The following IREB2 variants were observed in gnomAD, a reference collection of about 807,000 sequenced individuals.
IREB2 encodes the protein iron responsive element binding protein 2.
Under a neutral mutation model 118.8 loss-of-function variants are expected in IREB2, and 39 were observed. The ratio of observed to expected loss-of-function variants is 0.33; its 90% CI spans 0.25 to 0.43. The LOEUF (loss-of-function observed/expected upper bound fraction) is 0.43, where lower values mean the gene tolerates loss of function less well. Among genes scored for constraint, IREB2 ranks in the 20% least tolerant of loss-of-function variants. The pLI is 1.00. For synonymous variants in IREB2, 372 were observed against 392.2 expected, an observed-to-expected ratio of 0.95 and a Z score of 0.61; for missense variants, 900 against 1,147.3, an observed-to-expected ratio of 0.78 and a Z score of 3.11.
rs138831201 is a variant in IREB2, at chr15:78,483,810, G to A, written c.1413+376G>A. Among the ~76,000 whole-genome samples, 526 of 148,258 alleles carry A rather than the reference G, an allele frequency of 3.5e-3. 22 individuals are homozygous for A. The East Asian group carries it at 0.088, about 25-fold the overall frequency. ...CTTTTTTTTTTTTTTTTGAGACAGA[G>A]TCTCACTTTGTTGCCCAAGCTGGAG... On this transcript the variant is annotated intron_variant, in intron 11 of 21. Coordinates refer to ENST00000258886, the MANE Select transcript of IREB2 (RefSeq NM_004136.4).
intron 2 of IREB2, among the ~76,000 whole-genome samples, chr15:78,462,242 A>C (rs980741913): frequency 6.6e-6 from 1 of 152,192 alleles, no homozygotes; most frequent in Non-Finnish European, 1.5e-5. Context: ...ATGGTAATCC[A>C]TTGTGTGGAT....
intron 2 of IREB2, among the ~76,000 whole-genome samples, chr15:78,461,526 T>G (rs1189294072): frequency 6.6e-6 from 1 of 152,210 alleles, no homozygotes; most frequent in Non-Finnish European, 1.5e-5. Flanking sequence ...GCCTCTACTT[T>G]TAACATACTT....
chr15:78,461,215 A>G (rs559693021), intron 2 of IREB2, among the ~76,000 whole-genome samples: 3 of 152,176 alleles, frequency 2.0e-5, no homozygotes, highest in Non-Finnish European at 2.9e-5. Flanking sequence ...TTTATCATAC[A>G]TTGTCACCTC....
At chr15:78,443,406 T>C (rs1248061145) in intron 2 of IREB2, among the ~76,000 whole-genome samples, 1 of 152,216 alleles carries the variant, frequency 6.6e-6, no homozygotes, top group African/African-American at 2.4e-5. Flanking sequence ...CTAATCTATC[T>C]GCGTTACCAA....
intron 11 of IREB2, 42 bp downstream of exon 11, chr15:78,483,476 G>A (rs1269233546): frequency 9.6e-7 from 1 of 1,046,690 alleles, no homozygotes; most frequent in African/African-American, 1.6e-5. Context: ...AACCCGCTTT[G>A]TGCTAAGTAG....
At position 78,500,591 on chromosome 15, in the gene IREB2, A is replaced by G. The variant is rs996802329; in HGVS notation, c.*2448A>G. 3 of 151,948 alleles carry G rather than the reference A, an allele frequency of 2.0e-5. No homozygotes were observed. Among genetic ancestry groups the G allele is most frequent in the African/African-American group, 7.3e-5 (3 of 41,358 alleles). The allele number at this position is 151,948 out of a possible 1,614,324, so 9.4% of individuals were successfully genotyped here. A position where few individuals can be genotyped will look rare whatever the true frequency, so the allele number is the denominator to read the frequency against. ...AATGTCAGACACACAAGAAAAGCAA[A>G]TCAGTGTTGTAAGCTTAAAGTACAA... On this transcript the variant is annotated 3_prime_UTR_variant, in exon 22 of 22. Transcript: ENST00000258886.
At chr15:78,448,078 A>G (rs2050960934) in intron 2 of IREB2, among the ~76,000 whole-genome samples, 2 of 152,242 alleles carry the variant, frequency 1.3e-5, no homozygotes, top group Admixed American at 6.5e-5. Context: ...ACAAAATCTT[A>G]TGCAGGAATC....
intron 7 of IREB2, among the ~76,000 whole-genome samples, chr15:78,472,849 CT>C (rs1475851678): frequency 6.6e-6 from 1 of 152,262 alleles, no homozygotes; most frequent in Non-Finnish European, 1.5e-5. Flanking sequence ...TAAGCTTACT[CT>C]TTCACAGGGT....
At chr15:78,465,582 G>C (rs2051269228) in intron 4 of IREB2, among the ~76,000 whole-genome samples, 194 bp downstream of exon 4, 1 of 152,076 alleles carries the variant, frequency 6.6e-6, no homozygotes, top group Non-Finnish European at 1.5e-5. Context: ...TTGTATTTCT[G>C]CTGCCGTTTT....
chr15:78,438,782 A>C, intron 1 of IREB2: 1 of 244,506 alleles, frequency 4.1e-6, no homozygotes, highest in Non-Finnish European at 8.2e-6. Context: ...TGTTGATTCC[A>C]CGGTCCAGCC....
intron 2 of IREB2, among the ~76,000 whole-genome samples, chr15:78,452,443 A>G (rs1011580570): frequency 2.0e-5 from 3 of 152,326 alleles, no homozygotes; most frequent in Admixed American, 6.5e-5. Context: ...TTATTAGTGT[A>G]GATGTAGTGA....
At chr15:78,451,588 G>A (rs76030574) in intron 2 of IREB2, among the ~76,000 whole-genome samples, 2,713 of 152,268 alleles carry the variant, frequency 0.018, 105 homozygotes, top group African/African-American at 0.062. Flanking sequence ...TAAACAATAC[G>A]AGTACTACAG....
At position 78,483,384 on chromosome 15, in the gene IREB2, G is replaced by C; in HGVS notation, c.1363G>C (p.Val455Leu). 1 of 1,609,552 alleles carries C rather than the reference G, an allele frequency of 6.2e-7. No homozygotes were observed. Among genetic ancestry groups the C allele is most frequent in the Non-Finnish European group, 8.5e-7 (1 of 1,175,938 alleles). ...VSGPKRPQDR[V>L]AVTDMKSDFQ... ...TGGTCCAAAAAGACCTCAGGATAGA[G>C]TTGCTGTGACAGATATGAAAAGCGA... The change falls in exon 11 of 22, where the codon GTT becomes CTT. Residue 455 changes from valine to leucine, a missense_variant. By Grantham distance (32) the Val-to-Leu change is conservative (BLOSUM62 1). Transcript: ENST00000258886.
chr15:78,465,515 A>G lies in IREB2; in HGVS notation c.410+127A>G, dbSNP rs566393802. 23 of 842,530 alleles carry G rather than the reference A, an allele frequency of 2.7e-5. 1 individual carries two copies. In the South Asian group the frequency reaches 5.1e-4, roughly 19 times the overall value. 52.2% of individuals were successfully genotyped at this position (842,530 alleles called of 1,614,324 possible). ...TATGCTAAATTTAGTATTGGCTAGT[A>G]TATAAAAGCTAAAACTGGTGAAAAG... On this transcript the variant is annotated intron_variant, in intron 4 of 21. Coordinates refer to ENST00000258886, the MANE Select transcript of IREB2 (RefSeq NM_004136.4).
intron 13 of IREB2, 44 bp downstream of exon 13, chr15:78,485,884 T>C: frequency 6.4e-7 from 1 of 1,561,090 alleles, no homozygotes; most frequent in Admixed American, 1.7e-5. Context: ...TGGTGTTCAG[T>C]AGGTACTGAA....
At position 78,476,292 on chromosome 15, in the gene IREB2, G is replaced by A. The variant is rs1377795437; in HGVS notation, c.1128G>A (p.Pro376=). Residue 376 remains proline, a synonymous_variant, in exon 9 of 22, where the codon CCG becomes CCA. Coordinates refer to ENST00000258886, the MANE Select transcript of IREB2 (RefSeq NM_004136.4). ...VDRTTIANMC[P]EYGAILSFFP... ...GAACTACAATAGCAAACATGTGTCC[G>A]GAATATGGTGCTATCCTCAGCTTTT... is the stretch of plus-strand genomic sequence containing the variant. 5.6e-6 allele frequency: 9 copies of A among 1,608,286 alleles called. No individual in the cohort carries two copies. The highest frequency in any genetic ancestry group is 4.5e-5 in the East Asian group (2 of 44,784).
intron 18 of IREB2, 121 bp downstream of exon 18, chr15:78,490,882 C>A (rs2051739741): frequency 1.4e-4 from 113 of 788,880 alleles, no homozygotes; most frequent in East Asian, 3.0e-4. Flanking sequence ...ATCTGACTGC[C>A]AATGTGTTTG....
intron 2 of IREB2, among the ~76,000 whole-genome samples, chr15:78,459,630 G>A (rs564286342): frequency 1.3e-5 from 2 of 152,208 alleles, no homozygotes; most frequent in East Asian, 1.9e-4. Flanking sequence ...GATTACAGGC[G>A]GTGAGCCACC....
At chr15:78,482,455 A>AC (rs2051590852) in intron 10 of IREB2, among the ~76,000 whole-genome samples, 1 of 152,218 alleles carries the variant, frequency 6.6e-6, no homozygotes, top group Admixed American at 6.5e-5. Flanking sequence ...AAGGAATAGA[A>AC]CCCTGAGTTG....
Sources: gnomAD v4.1 joint callset for allele counts (sites outside exome capture counted in the v4.1 genomes callset) on GRCh38, gnomAD v4.1.1 for gene constraint, MANE v1.5 for transcripts, NCBI Gene and HGNC (gene_info 2026-07-23, HGNC 2026-07-21) for gene names.